The following KIFAP3 variants were observed in gnomAD, a reference collection of about 807,000 sequenced individuals.
KIFAP3 encodes kinesin associated protein 3.
In KIFAP3, 68 loss-of-function variants were observed where a neutral mutation model predicts 106.5. The observed-to-expected ratio is 0.64, with a 90% CI of 0.53 to 0.78. The LOEUF (loss-of-function observed/expected upper bound fraction) is 0.78, where lower values mean the gene tolerates loss of function less well. KIFAP3 is among the 30% of genes least tolerant of loss of function. KIFAP3 has a pLI of 0.00. For missense variants in KIFAP3, 780 were observed against 941.8 expected (o/e 0.83, Z 2.25); for synonymous variants, 320 against 311.5 (o/e 1.03, Z -0.29).
At chr1:170,084,294 C>T (rs2102197204) in intron 1 of KIFAP3, among the ~76,000 whole-genome samples, 1 of 152,282 alleles carries the variant, frequency 6.6e-6, no homozygotes, top group South Asian at 2.1e-4. Flanking sequence ...ACTTTATGTG[C>T]ATTATTTGTT....
At chr1:170,067,110 T>C (rs546097998) in intron 1 of KIFAP3, among the ~76,000 whole-genome samples, 83 of 152,246 alleles carry the variant, frequency 5.5e-4, no homozygotes, top group African/African-American at 2.0e-3. Context: ...AAGGAGATAA[T>C]TTATGGCATA....
At chr1:169,945,159 G>T (rs771390413) in intron 19 of KIFAP3, among the ~76,000 whole-genome samples, 1 of 151,916 alleles carries the variant, frequency 6.6e-6, no homozygotes, top group Non-Finnish European at 1.5e-5. Flanking sequence ...GGGGGGGCTG[G>T]TGTGTCAGTA....
At chr1:169,987,998 A>C (rs1666919015) in intron 11 of KIFAP3, among the ~76,000 whole-genome samples, 1 of 152,060 alleles carries the variant, frequency 6.6e-6, no homozygotes, top group African/African-American at 2.4e-5. Flanking sequence ...CATTAAGATC[A>C]TGTATAAAGA....
chr1:169,944,806 G>A (rs761192132), intron 19 of KIFAP3, among the ~76,000 whole-genome samples: 13 of 152,154 alleles, frequency 8.5e-5, no homozygotes, highest in Non-Finnish European at 1.9e-4. Context: ...TATGAGTCTG[G>A]CTGAGCCTGG....
chr1:170,011,067 T>G (rs1668220188), intron 10 of KIFAP3, among the ~76,000 whole-genome samples: 1 of 151,986 alleles, frequency 6.6e-6, no homozygotes, highest in African/African-American at 2.4e-5. Flanking sequence ...TAAATTCTTT[T>G]CTCCACAGTG....
At chr1:170,065,996 C>G (rs1404426318) in intron 1 of KIFAP3, among the ~76,000 whole-genome samples, 1 of 152,190 alleles carries the variant, frequency 6.6e-6, no homozygotes, top group Non-Finnish European at 1.5e-5. Context: ...ATTTTCCTAA[C>G]AGCCTTGTGA....
upstream of KIFAP3, among the ~76,000 whole-genome samples, chr1:170,078,139 A>C (rs1223839495): frequency 6.6e-6 from 1 of 152,160 alleles, no homozygotes; most frequent in Non-Finnish European, 1.5e-5. Flanking sequence ...TTCCAAAATG[A>C]ATGCCGTTCT....
At chr1:170,037,257 A>T (rs1420639229) in intron 5 of KIFAP3, among the ~76,000 whole-genome samples, 1 of 152,240 alleles carries the variant, frequency 6.6e-6, no homozygotes, top group Non-Finnish European at 1.5e-5. Flanking sequence ...CAGAAAAGAC[A>T]TTTGAAATAC....
At chr1:169,989,391 G>T (rs1340285670) in intron 11 of KIFAP3, among the ~76,000 whole-genome samples, 1 of 151,680 alleles carries the variant, frequency 6.6e-6, no homozygotes, top group Non-Finnish European at 1.5e-5. Context: ...AGTCAATCTC[G>T]GTAAGAATAT....
intron 3 of KIFAP3, among the ~76,000 whole-genome samples, chr1:170,042,653 A>G (rs1670040836): frequency 6.6e-6 from 1 of 152,142 alleles, no homozygotes; most frequent in African/African-American, 2.4e-5. Context: ...TGTCCTTGAA[A>G]ACTTGACCTG....
intron 1 of KIFAP3, among the ~76,000 whole-genome samples, chr1:170,072,233 G>C (rs1216891695): frequency 6.6e-6 from 1 of 152,088 alleles, no homozygotes; most frequent in African/African-American, 2.4e-5. Flanking sequence ...TTTCTTTCTA[G>C]TCTTATTCTG....
chr1:169,980,710 G>A (rs147279185), intron 15 of KIFAP3, among the ~76,000 whole-genome samples: 3 of 152,236 alleles, frequency 2.0e-5, no homozygotes, highest in Admixed American at 2.0e-4. Flanking sequence ...TTTAGAATCA[G>A]CTTCCAAATG....
chr1:170,083,409 G>C (rs1463956140), intron 1 of KIFAP3, among the ~76,000 whole-genome samples: 1 of 152,122 alleles, frequency 6.6e-6, no homozygotes, highest in East Asian at 1.9e-4. Flanking sequence ...ATTATTCTGT[G>C]GTGTAGTGGC....
intron 19 of KIFAP3, among the ~76,000 whole-genome samples, chr1:169,928,699 C>CAAAAAAAAA (rs10690029): frequency 0.043 from 1,622 of 37,710 alleles, 309 homozygotes; most frequent in African/African-American, 0.18. Flanking sequence ...ACCCTGTCTC[C>CAAAAAAAAA]AAAAAAAAAA....
At chr1:169,963,583 C>G (rs960112107) in intron 17 of KIFAP3, among the ~76,000 whole-genome samples, 5 of 152,084 alleles carry the variant, frequency 3.3e-5, no homozygotes, top group Non-Finnish European at 7.4e-5. Flanking sequence ...ACCTCTGCCT[C>G]CTGGGTTAAA....
intron 5 of KIFAP3, among the ~76,000 whole-genome samples, chr1:170,037,739 C>T (rs1669764013): frequency 6.6e-6 from 1 of 152,050 alleles, no homozygotes; most frequent in Non-Finnish European, 1.5e-5. Flanking sequence ...CCACTGCACT[C>T]CAGCCTGGGC....
At chr1:169,972,137 A>T (rs1054007595) in intron 17 of KIFAP3, among the ~76,000 whole-genome samples, 3 of 151,984 alleles carry the variant, frequency 2.0e-5, no homozygotes, top group African/African-American at 7.3e-5. Flanking sequence ...TGAAAAAAAT[A>T]GCTGATACAA....
chr1:169,960,956 C>T lies in KIFAP3; in HGVS notation c.2173+90G>A. The T allele has an allele frequency of 4.5e-6, 4 of 883,100 alleles. No individual in the cohort carries two copies. In the South Asian group the frequency reaches 6.1e-5, roughly 13 times the overall value. The allele number at this position is 883,100 out of a possible 1,614,324, so 54.7% of individuals were successfully genotyped here. Reference sequence around the variant, plus strand: ...GACCATTCATAAACTAAAAGAAGTGCTTATTAAGCTTGGGAATGTGCAAGG... The same window carrying T: ...GACCATTCATAAACTAAAAGAAGTGTTTATTAAGCTTGGGAATGTGCAAGG... On this transcript the variant is annotated intron_variant, in intron 18 of 19. Coordinates refer to ENST00000361580, the MANE Select transcript of KIFAP3 (RefSeq NM_014970.4).
intron 19 of KIFAP3, among the ~76,000 whole-genome samples, chr1:169,928,638 A>C (rs1663279697): frequency 7.3e-6 from 1 of 136,446 alleles, no homozygotes; most frequent in Admixed American, 8.2e-5. Flanking sequence ...TTGAGGCTGC[A>C]GTGAGCCATG....
Sources: gnomAD v4.1 joint callset for allele counts (sites outside exome capture counted in the v4.1 genomes callset) on GRCh38, gnomAD v4.1.1 for gene constraint, MANE v1.5 for transcripts, NCBI Gene and HGNC (gene_info 2026-07-23, HGNC 2026-07-21) for gene names.